CARMIL1: variants seen among roughly 807,000 people sequenced by gnomAD.
CARMIL1 encodes F-actin-uncapping protein LRRC16A.
In CARMIL1, 90 loss-of-function variants were observed where a neutral mutation model predicts 177.1. The observed-to-expected ratio is 0.51, with a 90% CI of 0.43 to 0.61. The LOEUF (loss-of-function observed/expected upper bound fraction) is 0.61. CARMIL1 is among the 20% of genes least tolerant of loss of function. The pLI is 0.00. For synonymous variants in CARMIL1, 577 were observed against 606.2 expected (o/e 0.95, Z 0.71); for missense variants, 1,380 against 1,667.0 (o/e 0.83, Z 3.00).
intron 2 of CARMIL1, among the ~76,000 whole-genome samples, chr6:25,404,940 G>A (rs1481628768): frequency 1.3e-5 from 2 of 152,134 alleles, no homozygotes; most frequent in African/African-American, 4.8e-5. Flanking sequence ...GAGGCACGGC[G>A]GAGGAGGCAC....
intron 5 of CARMIL1, among the ~76,000 whole-genome samples, chr6:25,444,016 T>C (rs557021735): frequency 2.7e-4 from 41 of 152,268 alleles, no homozygotes; most frequent in African/African-American, 8.7e-4. Flanking sequence ...TTGGTCAGGC[T>C]GCTCTCGAAC....
chr6:25,570,523 AG>A (rs1811983130), intron 29 of CARMIL1, among the ~76,000 whole-genome samples: 1 of 152,232 alleles, frequency 6.6e-6, no homozygotes, highest in African/African-American at 2.4e-5. Flanking sequence ...AGGAATAAAA[AG>A]TGAGGCATTT....
intron 2 of CARMIL1, among the ~76,000 whole-genome samples, chr6:25,401,281 AAC>A (rs928628372): frequency 2.7e-4 from 14 of 52,780 alleles, no homozygotes; most frequent in Non-Finnish European, 3.7e-4. Context: ...TTTATACACA[AAC>A]ACACACACAC....
At chr6:25,403,057 CA>C (rs1354342389) in intron 2 of CARMIL1, among the ~76,000 whole-genome samples, 3 of 148,808 alleles carry the variant, frequency 2.0e-5, no homozygotes, top group African/African-American at 7.4e-5. Context: ...TGTTTCCTCT[CA>C]AGTTGCATTT....
chr6:25,553,859 A>G (rs556353173), intron 27 of CARMIL1, 150 bp from the exon 28 acceptor site: 8 of 546,438 alleles, frequency 1.5e-5, no homozygotes, highest in Non-Finnish European at 2.7e-5. Context: ...ATTTTTGGAA[A>G]TCCTTAGTCC....
At chr6:25,312,978 C>G (rs951726068) in intron 2 of CARMIL1, among the ~76,000 whole-genome samples, 16 of 150,330 alleles carry the variant, frequency 1.1e-4, no homozygotes, top group African/African-American at 3.9e-4. Flanking sequence ...GTTTCCCTTT[C>G]TGAGTTGTAA....
chr6:25,395,806 A>G (rs568422100), intron 2 of CARMIL1, among the ~76,000 whole-genome samples: 1 of 152,206 alleles, frequency 6.6e-6, no homozygotes, highest in African/African-American at 2.4e-5. Flanking sequence ...TTGTCTTCCT[A>G]TTGAGGTAAG....
chr6:25,467,551 G>C (rs1220587821), intron 9 of CARMIL1, among the ~76,000 whole-genome samples: 1 of 152,146 alleles, frequency 6.6e-6, no homozygotes, highest in African/African-American at 2.4e-5. Flanking sequence ...AAGGTGTCCA[G>C]GCAATTGCTG....
chr6:25,508,928 A>C (rs1805200541), intron 17 of CARMIL1, among the ~76,000 whole-genome samples: 1 of 152,230 alleles, frequency 6.6e-6, no homozygotes, highest in Non-Finnish European at 1.5e-5. Context: ...TTGGTTTCAT[A>C]GAAAAAGATG....
chr6:25,355,076 G>C (rs7749494), intron 2 of CARMIL1, among the ~76,000 whole-genome samples: 2 of 152,254 alleles, frequency 1.3e-5, no homozygotes, highest in East Asian at 3.9e-4. Flanking sequence ...TAGCTCTTTA[G>C]AGCCACAGTC....
At chr6:25,430,237 T>A (rs1796626959) in intron 4 of CARMIL1, among the ~76,000 whole-genome samples, 1 of 148,442 alleles carries the variant, frequency 6.7e-6, no homozygotes, top group African/African-American at 2.5e-5. Context: ...TTTTTTTTTT[T>A]AACATTTTTG....
intron 2 of CARMIL1, among the ~76,000 whole-genome samples, chr6:25,290,122 G>T (rs1781824721): frequency 6.6e-6 from 1 of 152,038 alleles, no homozygotes; most frequent in African/African-American, 2.4e-5. Context: ...CTGAGACAGG[G>T]TCTCACTTTA....
At chr6:25,496,595 C>T (rs1803746120) in intron 16 of CARMIL1, among the ~76,000 whole-genome samples, 1 of 151,668 alleles carries the variant, frequency 6.6e-6, no homozygotes, top group Admixed American at 6.6e-5. Flanking sequence ...ATAACAGCCA[C>T]AAATAATAAA....
At chr6:25,573,172 A>G (rs1424545223) in intron 29 of CARMIL1, among the ~76,000 whole-genome samples, 2 of 152,176 alleles carry the variant, frequency 1.3e-5, no homozygotes, top group Non-Finnish European at 2.9e-5. Context: ...GGGCACCTAA[A>G]GGAAATCCTT....
intron 5 of CARMIL1, among the ~76,000 whole-genome samples, chr6:25,448,634 C>T (rs1327594100): frequency 6.6e-6 from 1 of 152,172 alleles, no homozygotes; most frequent in Non-Finnish European, 1.5e-5. Flanking sequence ...CTCGCTTTCG[C>T]CCTGAACTTT....
intron 31 of CARMIL1, among the ~76,000 whole-genome samples, chr6:25,585,861 G>A (rs1425479045): frequency 6.8e-6 from 1 of 146,430 alleles, no homozygotes; most frequent in Non-Finnish European, 1.5e-5. Context: ...GCACGGGGTT[G>A]GGGGTAAGGT....
intron 5 of CARMIL1, among the ~76,000 whole-genome samples, chr6:25,448,916 C>CTTTTTTT (rs36000360): frequency 1.6e-5 from 2 of 126,454 alleles, no homozygotes; most frequent in Non-Finnish European, 1.7e-5. Context: ...AGGGATTCTT[C>CTTTTTTT]TTTTTTTTTT....
intron 12 of CARMIL1, among the ~76,000 whole-genome samples, chr6:25,487,692 A>G (rs1054011464): frequency 3.9e-5 from 6 of 152,108 alleles, no homozygotes; most frequent in African/African-American, 1.4e-4. Flanking sequence ...CACCTCAAAG[A>G]GCTCCTTTTC....
intron 29 of CARMIL1, among the ~76,000 whole-genome samples, chr6:25,576,331 T>C (rs949240634): frequency 2.0e-5 from 3 of 152,172 alleles, no homozygotes; most frequent in Non-Finnish European, 2.9e-5. Context: ...CACTAAGGTA[T>C]AAGGTATCAT....
Sources: allele counts gnomAD v4.1 joint callset (sites outside exome capture counted in the v4.1 genomes callset), GRCh38; gene constraint gnomAD v4.1.1; transcripts MANE v1.5; gene names NCBI Gene and HGNC (gene_info 2026-07-23, HGNC 2026-07-21).